Variants in KYAT1 observed in about 807,000 individuals in gnomAD.
KYAT1 encodes kynurenine--oxoglutarate transaminase 1.
In KYAT1, 47 loss-of-function variants were observed where a neutral mutation model predicts 52.4. The ratio of observed to expected loss-of-function variants is 0.90; its 90% CI spans 0.71 to 1.14. The LOEUF (loss-of-function observed/expected upper bound fraction) is 1.14. Ranked by LOEUF, KYAT1 falls within the 50% of genes most tolerant of loss-of-function variation. The pLI, the probability that KYAT1 is intolerant of heterozygous loss-of-function variation, is 0.00. For missense variants in KYAT1, 480 were observed against 557.9 expected, an observed-to-expected ratio of 0.86 and a Z score of 1.41; for synonymous variants, 212 against 209.6, an observed-to-expected ratio of 1.01 and a Z score of -0.10.
chr9:128,866,669 G>A (rs1284990535), intron 1 of KYAT1, among the ~76,000 whole-genome samples: 2 of 151,554 alleles, frequency 1.3e-5, no homozygotes, highest in Admixed American at 1.3e-4. Context: ...CAGCACTTTA[G>A]GAGGCTAAGG....
At chr9:128,882,465 C>T (rs951200862), upstream of KYAT1, 1 of 368,512 alleles carries the variant, frequency 2.7e-6, no homozygotes, top group Non-Finnish European at 4.8e-6. Flanking sequence ...GGCTCCGCGG[C>T]GCGCGAGCCC....
At chr9:128,842,014 A>AAAAT (rs891479440) in intron 3 of KYAT1, 25 of 182,922 alleles carry the variant, frequency 1.4e-4, no homozygotes, top group Admixed American at 4.0e-4. Context: ...CCCTGACTCA[A>AAAAT]AAATAAATAA....
chr9:128,873,339 T>C (rs1391937800), intron 1 of KYAT1, among the ~76,000 whole-genome samples: 1 of 140,184 alleles, frequency 7.1e-6, no homozygotes, highest in Non-Finnish European at 1.5e-5. Flanking sequence ...CTCTGTCATT[T>C]AAAAATAAAA....
chr9:128,840,804 C>A, intron 3 of KYAT1: 1 of 296,690 alleles, frequency 3.4e-6, no homozygotes, highest in Non-Finnish European at 6.7e-6. Context: ...AATCTTCCTG[C>A]CTCAGACTCC....
At chr9:128,879,324 G>GAAA (rs1838484178) in intron 1 of KYAT1, among the ~76,000 whole-genome samples, 1 of 151,824 alleles carries the variant, frequency 6.6e-6, no homozygotes. Flanking sequence ...AAAAAAAAAG[G>GAAA]AATTATGCAG....
At chr9:128,855,273 A>G (rs1834455311) in intron 1 of KYAT1, among the ~76,000 whole-genome samples, 1 of 152,182 alleles carries the variant, frequency 6.6e-6, no homozygotes, top group Non-Finnish European at 1.5e-5. Context: ...AATCCGGCCT[A>G]TGATAGTGAT....
chr9:128,849,008 G>T (rs1161027963), intron 1 of KYAT1, among the ~76,000 whole-genome samples: 1 of 151,406 alleles, frequency 6.6e-6, no homozygotes, highest in Non-Finnish European at 1.5e-5. Flanking sequence ...CCAGCTACTT[G>T]TGAGGCTGAG....
chr9:128,840,340 C>A (rs1474731647), intron 3 of KYAT1, among the ~76,000 whole-genome samples: 1 of 152,254 alleles, frequency 6.6e-6, no homozygotes, highest in East Asian at 1.9e-4. Flanking sequence ...CCCACTGCAA[C>A]CTCCGCCTCC....
chr9:128,860,180 C>T (rs577065315), intron 1 of KYAT1: 4 of 152,298 alleles, frequency 2.6e-5, no homozygotes, highest in Admixed American at 1.3e-4. Context: ...TGTTTTTATT[C>T]AAGCCGTGAA....
intron 1 of KYAT1, among the ~76,000 whole-genome samples, chr9:128,849,641 C>A (rs1278194891): frequency 1.2e-5 from 1 of 84,816 alleles, no homozygotes; most frequent in Admixed American, 1.2e-4. Flanking sequence ...ACTAAAAATA[C>A]AAAAAATTAG....
At chr9:128,863,200 T>C (rs1411631922) in intron 1 of KYAT1, among the ~76,000 whole-genome samples, 2 of 151,782 alleles carry the variant, frequency 1.3e-5, no homozygotes, top group Non-Finnish European at 2.9e-5. Context: ...AGGCCCCAAG[T>C]AGACACACAA....
chr9:128,860,274 C>T (rs1340868836), intron 1 of KYAT1: 3 of 152,286 alleles, frequency 2.0e-5, no homozygotes, highest in Non-Finnish European at 4.4e-5. Flanking sequence ...TCTGGAAACA[C>T]CCTCACAGAC....
chr9:128,868,793 C>T (rs971512252), intron 1 of KYAT1, among the ~76,000 whole-genome samples: 4 of 150,736 alleles, frequency 2.7e-5, no homozygotes, highest in African/African-American at 7.3e-5. Context: ...ACAACCTCTG[C>T]CTCTGGGATT....
intron 1 of KYAT1, among the ~76,000 whole-genome samples, chr9:128,873,860 C>T (rs1384547986): frequency 1.3e-5 from 2 of 151,512 alleles, no homozygotes; most frequent in East Asian, 1.9e-4. Context: ...GCAGGAGAAT[C>T]GCTTCAACCT....
Position 128,835,336 on chromosome 9 carries a change from A to C in KYAT1, c.1109T>G (p.Met370Arg), listed in dbSNP as rs745768298. 1.9e-6 allele frequency: 3 copies of C among 1,613,712 alleles called. No individual in the cohort carries two copies. The highest frequency in any genetic ancestry group is 2.5e-6 in the Non-Finnish European group (3 of 1,179,858). The change falls in exon 11 of 13, where the codon ATG becomes AGG. Residue 370 changes from methionine to arginine, a missense_variant. Coordinates refer to ENST00000302586, the MANE Select transcript of KYAT1 (RefSeq NM_004059.5). ...GGCCCAGCCCACCTTGTTCTTGATC[A>C]TCCACTTGACGAAGCGTCTGTCATA... ...EPYDRRFVKW[M>R]IKNKGLVAIP...
At chr9:128,859,651 AT>A (rs1216908299) in intron 1 of KYAT1, among the ~76,000 whole-genome samples, 662 of 136,750 alleles carry the variant, frequency 4.8e-3, no homozygotes, top group African/African-American at 0.01. Context: ...TTGCCCAGCC[AT>A]TTTTTTTTTT....
chr9:128,881,837 C>G (rs1267499569), intron 1 of KYAT1, 60 bp downstream of exon 1: 1 of 152,348 alleles, frequency 6.6e-6, no homozygotes, highest in African/African-American at 2.4e-5. Flanking sequence ...AACCGTTAGC[C>G]GACCCTCCCA....
At chr9:128,865,333 ATATATATATATATATATATATATATATTT>A (rs1207642183) in intron 1 of KYAT1, among the ~76,000 whole-genome samples, 3 of 1,514 alleles carry the variant, frequency 2.0e-3, no homozygotes, top group Non-Finnish European at 5.2e-3. Context: ...ATATATATAT[ATATATATATATATATATATATATATATTT>A]TTTTTTTTTT....
chr9:128,834,193 G>A (rs1043561145), intron 11 of KYAT1, among the ~76,000 whole-genome samples: 8 of 152,180 alleles, frequency 5.3e-5, no homozygotes, highest in African/African-American at 1.9e-4. Flanking sequence ...GGGGGTGGAG[G>A]TTGCAGTGAG....
Sources: allele counts gnomAD v4.1 joint callset (sites outside exome capture counted in the v4.1 genomes callset), GRCh38; gene constraint gnomAD v4.1.1; transcripts MANE v1.5; gene names NCBI Gene and HGNC (gene_info 2026-07-23, HGNC 2026-07-21).